Variants in MTSS1 observed in about 807,000 individuals in gnomAD.
MTSS1 encodes the protein protein MTSS 1.
A neutral mutation model predicts 79.0 loss-of-function variants in MTSS1; 18 were observed. The ratio of observed to expected loss-of-function variants is 0.23; its 90% CI spans 0.16 to 0.34. The LOEUF (loss-of-function observed/expected upper bound fraction) is 0.34. MTSS1 is among the 10% of genes least tolerant of loss of function. The pLI is 1.00. For synonymous variants in MTSS1, 341 were observed against 368.6 expected (o/e 0.93, Z 0.86); for missense variants, 815 against 986.2 (o/e 0.83, Z 2.33).
At chr8:124,645,010 T>G (rs188837521) in intron 3 of MTSS1, among the ~76,000 whole-genome samples, 1 of 152,282 alleles carries the variant, frequency 6.6e-6, no homozygotes, top group African/African-American at 2.4e-5. Flanking sequence ...GAGGCCCAAA[T>G]GTAGAGAAGG....
chr8:124,565,893 A>ATTT (rs1222777857), intron 8 of MTSS1, 134 bp from the exon 9 acceptor site: 55 of 546,920 alleles, frequency 1.0e-4, no homozygotes, highest in Middle Eastern at 9.8e-4. Context: ...TGTTAAAAAA[A>ATTT]TTTTTTTTAA....
chr8:124,646,822 T>TTCTC (rs142251173), intron 3 of MTSS1, among the ~76,000 whole-genome samples: 1 of 150,854 alleles, frequency 6.6e-6, no homozygotes, highest in Non-Finnish European at 1.5e-5. Flanking sequence ...CATTACATCT[T>TTCTC]TCTCTCTCTC....
At chr8:124,572,327 G>A (rs974114731) in intron 6 of MTSS1, among the ~76,000 whole-genome samples, 6 of 151,922 alleles carry the variant, frequency 3.9e-5, no homozygotes, top group Non-Finnish European at 8.8e-5. Flanking sequence ...AAACTACAAT[G>A]TTTATTTATT....
intron 3 of MTSS1, among the ~76,000 whole-genome samples, chr8:124,660,489 T>A (rs904438044): frequency 7.0e-6 from 1 of 142,040 alleles, no homozygotes; most frequent in Non-Finnish European, 1.5e-5. Flanking sequence ...AGCTGAAGGG[T>A]GGAGGCAAGA....
At chr8:124,706,083 TA>T (rs1173240820) in intron 1 of MTSS1, among the ~76,000 whole-genome samples, 1 of 152,176 alleles carries the variant, frequency 6.6e-6, no homozygotes, top group Non-Finnish European at 1.5e-5. Flanking sequence ...CAATTAAGTA[TA>T]TTTTTTCAAA....
At chr8:124,636,024 G>A (rs568115222) in intron 3 of MTSS1, among the ~76,000 whole-genome samples, 1 of 152,164 alleles carries the variant, frequency 6.6e-6, no homozygotes, top group African/African-American at 2.4e-5. Context: ...CTGGAGGGTG[G>A]AGGGTGCAGG....
chr8:124,660,584 T>TA lies in MTSS1; in HGVS notation c.208+38941dup, dbSNP rs1270677781. On this transcript the variant is annotated intron_variant, in intron 3 of 13. Coordinates refer to ENST00000518547, the MANE Select transcript of MTSS1 (RefSeq NM_014751.6). ...CCAACAGAAGAGGAAGTTCCTTGTT[T>TA]AGAGCATTAACCCTCCCTCCCACTT... is the stretch of plus-strand genomic sequence containing the variant. Among the ~76,000 whole-genome samples the TA allele has an allele frequency of 9.2e-5, 14 of 152,208 alleles. No individual in the cohort carries two copies. In the East Asian group the frequency reaches 2.5e-3, roughly 27 times the overall value.
At chr8:124,647,660 G>A (rs1040913636) in intron 3 of MTSS1, among the ~76,000 whole-genome samples, 1 of 152,106 alleles carries the variant, frequency 6.6e-6, no homozygotes. Context: ...TCATGTTTTA[G>A]CTCATTTCAA....
At chr8:124,650,979 A>AAT (rs1342079762) in intron 3 of MTSS1, among the ~76,000 whole-genome samples, 31 of 152,258 alleles carry the variant, frequency 2.0e-4, no homozygotes, top group African/African-American at 7.2e-4. Flanking sequence ...ACTATCATAC[A>AAT]AAGTTGTGAG....
intron 3 of MTSS1, among the ~76,000 whole-genome samples, chr8:124,642,199 G>A (rs1346189462): frequency 6.6e-6 from 1 of 152,124 alleles, no homozygotes; most frequent in East Asian, 1.9e-4. Context: ...TTTCAATTGT[G>A]GATGTGATAG....
At chr8:124,613,722 G>A (rs1429307517) in intron 3 of MTSS1, among the ~76,000 whole-genome samples, 2 of 152,192 alleles carry the variant, frequency 1.3e-5, no homozygotes, top group Non-Finnish European at 2.9e-5. Context: ...CTAAAGTCTG[G>A]TTTCTACCCC....
Position 124,562,932 on chromosome 8 carries a change from G to C in MTSS1, c.885C>G (p.Pro295=), listed in dbSNP as rs751858845. 6.2e-7 allele frequency: 1 copy of C among 1,613,614 alleles called. No homozygotes were observed. Among genetic ancestry groups the C allele is most frequent in the Non-Finnish European group, 8.5e-7 (1 of 1,179,802 alleles). ...SRSSGSHSHS[P]SSHYRYRSSN... is the part of the protein sequence containing the mutation. ...AGCTGCGGTAGCGGTAATGTGAGCT[G>C]GGGGAATGCGAGTGGGAGCCGCTGG... is the stretch of plus-strand genomic sequence containing the variant. The change falls in exon 10 of 14, where the codon CCC becomes CCG. Residue 295 remains proline, a synonymous_variant. Coordinates refer to ENST00000518547, the MANE Select transcript of MTSS1 (RefSeq NM_014751.6).
chr8:124,683,911 T>C lies in MTSS1; in HGVS notation c.208+15615A>G, dbSNP rs899011112. ...TCTGACACCACTCCCATTTCCATTATCAAACCAAGGAGACCGAAAAAGTGA... is the reference window on the plus strand; with the variant it reads ...TCTGACACCACTCCCATTTCCATTACCAAACCAAGGAGACCGAAAAAGTGA... On this transcript the variant is annotated intron_variant, in intron 3 of 13. Transcript: ENST00000518547. The surrounding 1 kb of genome is among the most constrained non-coding windows in gnomAD (Gnocchi z 4.5). Among the ~76,000 whole-genome samples the C allele has an allele frequency of 7.2e-5, 11 of 152,134 alleles. No individual in the cohort carries two copies. Among genetic ancestry groups the C allele is most frequent in the African/African-American group, 2.7e-4 (11 of 41,426 alleles).
At chr8:124,718,893 T>C (rs971480549) in intron 1 of MTSS1, among the ~76,000 whole-genome samples, 21 of 152,178 alleles carry the variant, frequency 1.4e-4, no homozygotes, top group African/African-American at 4.8e-4. Context: ...AACAACTTCA[T>C]GTCCGTGGCC....
chr8:124,656,504 G>A lies in MTSS1; in HGVS notation c.208+43022C>T, dbSNP rs568003107. On this transcript the variant is annotated intron_variant, in intron 3 of 13. Coordinates refer to ENST00000518547, the MANE Select transcript of MTSS1 (RefSeq NM_014751.6). ...ATGAAAATGAAGGCTGGGCACAGTG[G>A]CTCACGCCTGTAATCCCAGCACTTT... 2.6e-4 allele frequency among the ~76,000 whole-genome samples: 39 copies of A among 151,262 alleles called. No individual in the cohort carries two copies. The East Asian group carries it at 7.6e-3, about 29-fold the overall frequency.
intron 3 of MTSS1, among the ~76,000 whole-genome samples, chr8:124,667,698 A>G (rs1823363247): frequency 6.6e-6 from 1 of 152,140 alleles, no homozygotes; most frequent in Non-Finnish European, 1.5e-5. Flanking sequence ...TATTATTATC[A>G]TTTCAGACAT....
At chr8:124,725,164 G>A (rs1833515347) in intron 1 of MTSS1, among the ~76,000 whole-genome samples, 1 of 152,132 alleles carries the variant, frequency 6.6e-6, no homozygotes, top group Admixed American at 6.5e-5. Context: ...GTTCCCCAGT[G>A]GAGAAAAAGT....
Position 124,721,056 on chromosome 8 carries a change from A to T in MTSS1, c.72+6828T>A, listed in dbSNP as rs114918371. On this transcript the variant is annotated intron_variant, in intron 1 of 13. Transcript: ENST00000518547. ...GGGGTTTAGGGGCAGTGTTGTAGCC[A>T]GCAGAAGGTAGAAGATAGAAAGCTG... 5.4e-3 allele frequency among the ~76,000 whole-genome samples: 830 copies of T among 152,318 alleles called. 7 individuals carry two copies. The highest frequency in any genetic ancestry group is 0.016 in the African/African-American group (646 of 41,556).
chr8:124,585,790 C>T (rs897216595), intron 5 of MTSS1, among the ~76,000 whole-genome samples: 11 of 152,066 alleles, frequency 7.2e-5, no homozygotes, highest in Non-Finnish European at 1.3e-4. Context: ...TATCTACTTT[C>T]CCCGGGCCCA....
Sources: gnomAD v4.1 joint callset for allele counts (sites outside exome capture counted in the v4.1 genomes callset) on GRCh38, gnomAD v4.1.1 for gene constraint, Gnocchi (gnomAD v3.1) non-coding constraint, MANE v1.5 for transcripts, NCBI Gene and HGNC (gene_info 2026-07-23, HGNC 2026-07-21) for gene names.